TSHR: variants seen among roughly 807,000 people sequenced by gnomAD.
TSHR encodes the protein thyroid stimulating hormone receptor.
Under a neutral mutation model 64.1 loss-of-function variants are expected in TSHR, and 51 were observed. The observed-to-expected ratio is 0.80, with a 90% confidence interval of 0.64 to 1.01. The LOEUF (loss-of-function observed/expected upper bound fraction) is 1.01. Ranked by LOEUF, TSHR falls within the 50% of genes least tolerant of loss-of-function variation. The pLI is 0.00. For synonymous variants in TSHR, 361 were observed against 361.9 expected (o/e 1.00, Z 0.03); for missense variants, 877 against 942.8 (o/e 0.93, Z 0.91).
At chr14:81,080,060 C>A (rs529981060) in intron 3 of TSHR, among the ~76,000 whole-genome samples, 36 of 152,232 alleles carry the variant, frequency 2.4e-4, no homozygotes, top group Admixed American at 1.0e-3. Context: ...TCAAGGGATT[C>A]TCCTGCCTCA....
At position 81,079,992 on chromosome 14, in the gene TSHR, G is replaced by A. The variant is rs143433044; in HGVS notation, c.318-7962G>A. Among the ~76,000 whole-genome samples, 1,108 of 151,854 alleles carry A rather than the reference G, an allele frequency of 7.3e-3. 15 individuals are homozygous for A. Among genetic ancestry groups the A allele is most frequent in the African/African-American group, 0.025 (1,039 of 41,394 alleles). On this transcript the variant is annotated intron_variant, in intron 3 of 9. Transcript: ENST00000298171. ...TTTTGAGACGGAGTCTTGCTCTGTC[G>A]CCCAGGCTGGAGTGCAGTGGTGCAA... is the stretch of plus-strand genomic sequence containing the variant.
intron 8 of TSHR, among the ~76,000 whole-genome samples, chr14:81,114,222 C>G (rs10131259): frequency 0.3 from 46,020 of 151,480 alleles, 7,878 homozygotes; most frequent in East Asian, 0.53. Context: ...CTCCCAGCGT[C>G]AGCGACGCAG....
chr14:81,063,025 A>C (rs1441140206), intron 2 of TSHR, among the ~76,000 whole-genome samples: 1 of 152,106 alleles, frequency 6.6e-6, no homozygotes, highest in Non-Finnish European at 1.5e-5. Context: ...ACTGGCACCT[A>C]GTGGGTAAAA....
intron 4 of TSHR, 108 bp from the exon 5 acceptor site, chr14:81,090,961 G>T: frequency 1.1e-6 from 1 of 916,140 alleles, no homozygotes; most frequent in Admixed American, 1.9e-5. Context: ...TTGACTACAG[G>T]TTGTCTTCAG....
intron 1 of TSHR, among the ~76,000 whole-genome samples, chr14:80,970,954 C>A (rs1407700743): frequency 1.3e-5 from 2 of 152,166 alleles, no homozygotes; most frequent in Non-Finnish European, 2.9e-5. Flanking sequence ...CCTGCCTCAG[C>A]CTCCCAAGTA....
rs60115249 is a variant in TSHR, at chr14:81,073,021, AATATAT to A, written c.317+4717_317+4722del. Among the ~76,000 whole-genome samples the A allele has an allele frequency of 8.2e-5, 4 of 48,564 alleles. 1 individual carries two copies. Among genetic ancestry groups the A allele is most frequent in the Non-Finnish European group, 1.7e-4 (4 of 22,962 alleles). 31.9% of individuals were successfully genotyped at this position (48,564 alleles called of 152,430 possible). ...CAAAAAAAAAAAAAAATAAAAAATAAATATATATATATATATATATATATATATAAA... is the reference window on the plus strand; with the variant it reads ...CAAAAAAAAAAAAAAATAAAAAATAAATATATATATATATATATATATAAA... On this transcript the variant is annotated intron_variant, in intron 3 of 9. Transcript: ENST00000298171.
At chr14:80,995,930 C>A (rs1888991711) in intron 1 of TSHR, among the ~76,000 whole-genome samples, 1 of 151,716 alleles carries the variant, frequency 6.6e-6, no homozygotes, top group African/African-American at 2.4e-5. Flanking sequence ...TTGGGGTAGT[C>A]AAAAGTTATG....
intron 1 of TSHR, among the ~76,000 whole-genome samples, chr14:81,030,780 A>G (rs1884308730): frequency 6.6e-6 from 1 of 151,994 alleles, no homozygotes; most frequent in South Asian, 2.1e-4. Flanking sequence ...TTTTTAATTG[A>G]GAGGATTGTC....
chr14:81,121,107 G>A (rs1329602428), intron 8 of TSHR, among the ~76,000 whole-genome samples: 1 of 151,960 alleles, frequency 6.6e-6, no homozygotes, highest in Non-Finnish European at 1.5e-5. Flanking sequence ...GAAAAATAGT[G>A]TAGCAGATTT....
intron 8 of TSHR, among the ~76,000 whole-genome samples, chr14:81,111,574 T>C (rs1890226056): frequency 6.6e-6 from 1 of 152,208 alleles, no homozygotes; most frequent in Admixed American, 6.5e-5. Context: ...TTTACACTAC[T>C]TTACGCCTCT....
chr14:81,033,557 G>GT (rs373369704), intron 1 of TSHR, among the ~76,000 whole-genome samples: 3,458 of 101,968 alleles, frequency 0.034, 115 homozygotes, highest in African/African-American at 0.097. Flanking sequence ...TAAAATCAGG[G>GT]TTTTTTTTTT....
chr14:81,008,154 T>C (rs1306019003), intron 1 of TSHR, among the ~76,000 whole-genome samples: 1 of 149,414 alleles, frequency 6.7e-6, no homozygotes, highest in Non-Finnish European at 1.5e-5. Flanking sequence ...AACACAAACT[T>C]GTAGACCATT....
intron 2 of TSHR, among the ~76,000 whole-genome samples, chr14:81,063,545 T>C (rs1886389902): frequency 6.6e-6 from 1 of 152,206 alleles, no homozygotes; most frequent in African/African-American, 2.4e-5. Flanking sequence ...GCTAAAAACC[T>C]TGAATTCTCC....
intron 3 of TSHR, among the ~76,000 whole-genome samples, chr14:81,081,731 A>G (rs1402676891): frequency 6.6e-6 from 1 of 152,244 alleles, no homozygotes; most frequent in Non-Finnish European, 1.5e-5. Flanking sequence ...CACTTAAAAA[A>G]TTTATAGTAA....
chr14:81,023,534 T>C (rs2139806040), intron 1 of TSHR, among the ~76,000 whole-genome samples: 1 of 152,286 alleles, frequency 6.6e-6, no homozygotes, highest in African/African-American at 2.4e-5. Flanking sequence ...AGTAGACCAC[T>C]TCAGCACCTC....
chr14:81,135,571 T>C (rs1022792095), intron 8 of TSHR, among the ~76,000 whole-genome samples: 12 of 152,156 alleles, frequency 7.9e-5, no homozygotes, highest in African/African-American at 2.4e-5. Context: ...GGCTCACATC[T>C]GATTGGGGTG....
intron 6 of TSHR, chr14:81,095,565 C>T (rs1469855375): frequency 7.4e-6 from 1 of 136,018 alleles, no homozygotes; most frequent in Non-Finnish European, 1.5e-5. Flanking sequence ...GTGCCAGACT[C>T]CCTGTCAAAA....
At chr14:81,140,673 A>C (rs1382818265) in intron 9 of TSHR, among the ~76,000 whole-genome samples, 1 of 152,164 alleles carries the variant, frequency 6.6e-6, no homozygotes, top group Non-Finnish European at 1.5e-5. Flanking sequence ...TGTCTTGTAC[A>C]ATCTCCTGTT....
At chr14:81,127,529 C>T (rs1043690066) in intron 8 of TSHR, among the ~76,000 whole-genome samples, 27 of 152,108 alleles carry the variant, frequency 1.8e-4, no homozygotes, top group African/African-American at 4.8e-4. Context: ...GCAGTTGATA[C>T]GGTTTGGCTG....
Sources: gnomAD v4.1 joint callset for allele counts (sites outside exome capture counted in the v4.1 genomes callset) on GRCh38, gnomAD v4.1.1 for gene constraint, MANE v1.5 for transcripts, NCBI Gene and HGNC (gene_info 2026-07-23, HGNC 2026-07-21) for gene names.